DET1: variants seen among roughly 807,000 people sequenced by gnomAD.
DET1 encodes DET1 partner of COP1 E3 ubiquitin ligase, also known as DET1 homolog.
DET1 carries 22 observed loss-of-function variants against 43.7 expected under a neutral mutation model. That is an observed-to-expected ratio of 0.50 (90% CI 0.36 to 0.72). The LOEUF (loss-of-function observed/expected upper bound fraction) is 0.72. Ranked by LOEUF, DET1 falls within the 30% of genes least tolerant of loss-of-function variation. The pLI is 0.00. For synonymous variants in DET1, 315 were observed against 266.2 expected (o/e 1.18, Z -1.79); for missense variants, 713 against 713.3 (o/e 1.00, Z 0.00).
chr15:88,534,339 G>A (rs569768161), intron 1 of DET1, among the ~76,000 whole-genome samples: 3 of 152,104 alleles, frequency 2.0e-5, no homozygotes, highest in Non-Finnish European at 4.4e-5. Context: ...ATAAAACCTA[G>A]ACAGAATGCA....
chr15:88,508,224 T>C (rs1277447627), downstream of DET1, among the ~76,000 whole-genome samples: 1 of 152,206 alleles, frequency 6.6e-6, no homozygotes, highest in South Asian at 2.1e-4. Flanking sequence ...AATAGAAATA[T>C]GGTGCAGAAT....
chr15:88,522,844 C>A (rs1349049916), intron 3 of DET1, among the ~76,000 whole-genome samples: 1 of 151,002 alleles, frequency 6.6e-6, no homozygotes, highest in Non-Finnish European at 1.5e-5. Flanking sequence ...TTTATACTTT[C>A]AATTGATTCA....
In DET1 at chr15:88,531,261, C is replaced by T. The variant is rs2056806362; in HGVS notation, c.445G>A (p.Asp149Asn). ...CCCACGATGACACAGCGGCAGTCAT[C>T]AGTGAAGAGACTACACTCCCGGTTC... ...HLNRECSLFT[D>N]DCRCVIVGSA... The change falls in exon 2 of 5, where the codon GAT becomes AAT. Residue 149 changes from aspartate to asparagine, a missense_variant. Physicochemically the swap from Asp to Asn is conservative, Grantham distance 23 (BLOSUM62 1). Coordinates refer to ENST00000268148, the MANE Select transcript of DET1 (RefSeq NM_001144074.3). This position sits in a 1 kb window ranked among gnomAD's most constrained non-coding sequence, Gnocchi z 6.2. 6.2e-7 allele frequency: 1 copy of T among 1,613,730 alleles called. No individual in the cohort carries two copies. Among genetic ancestry groups the T allele is most frequent in the African/African-American group, 1.3e-5 (1 of 74,882 alleles).
rs115228931 is a variant in DET1 at position 88,516,014 on chromosome 15, A to G, written c.1463+768T>C. 2.7e-3 allele frequency among the ~76,000 whole-genome samples: 408 copies of G among 152,346 alleles called. 3 individuals are homozygous for G. The highest frequency in any genetic ancestry group is 9.4e-3 in the African/African-American group (392 of 41,584). On this transcript the variant is annotated intron_variant, in intron 4 of 4. Coordinates refer to ENST00000268148, the MANE Select transcript of DET1 (RefSeq NM_001144074.3). This position sits in a 1 kb window ranked among gnomAD's most constrained non-coding sequence, Gnocchi z 4.4. ...TAAATGGTGATTAATTATACAGACT[A>G]TGTCACACAGGCACATTTAATACAC...
At chr15:88,502,982 G>C (rs2056103431) in intron 8 of DET1, 1 of 152,264 alleles carries the variant, frequency 6.6e-6, no homozygotes, top group Non-Finnish European at 1.5e-5. Context: ...TGTTAAGAAG[G>C]AGAAAGAGGC....
chr15:88,543,318 A>G (rs1432980378), intron 1 of DET1, among the ~76,000 whole-genome samples: 1 of 152,238 alleles, frequency 6.6e-6, no homozygotes, highest in African/African-American at 2.4e-5. Context: ...ATTCTGGGCC[A>G]GGATTTAACC....
intron 1 of DET1, among the ~76,000 whole-genome samples, chr15:88,537,033 AAT>A (rs1424551784): frequency 3.3e-5 from 5 of 152,122 alleles, no homozygotes; most frequent in African/African-American, 1.2e-4. Context: ...AAAGGTTCCA[AAT>A]GCCTTATATA....
At chr15:88,533,167 G>A (rs541575859) in intron 1 of DET1, among the ~76,000 whole-genome samples, 2 of 152,220 alleles carry the variant, frequency 1.3e-5, no homozygotes, top group East Asian at 3.9e-4. Context: ...TGGCCACAAA[G>A]CATATGAAAA....
Position 88,537,255 on chromosome 15 carries a change from T to C in DET1, c.-10-5540A>G, listed in dbSNP as rs1360069865. 2.6e-5 allele frequency among the ~76,000 whole-genome samples: 4 copies of C among 152,206 alleles called. No individual in the cohort carries two copies. The East Asian group carries it at 5.8e-4, about 22-fold the overall frequency. On this transcript the variant is annotated intron_variant, in intron 1 of 4. Transcript: ENST00000268148. ...TTGTAAAACGTTTATTTCAATTATA[T>C]TGGAGTTACATGCACTGAGTAAAGA...
rs536516964 is a variant in DET1, at chr15:88,530,155, C to A, written c.1083+468G>T. 2.6e-5 allele frequency among the ~76,000 whole-genome samples: 4 copies of A among 152,278 alleles called. No homozygotes were observed. The South Asian group carries it at 8.3e-4, about 32-fold the overall frequency. ...ACCTTATAAATAGGACTTTATAGTACTTTACAGAGAAGTAAATTGACATTA... is the reference window on the plus strand; with the variant it reads ...ACCTTATAAATAGGACTTTATAGTAATTTACAGAGAAGTAAATTGACATTA... On this transcript the variant is annotated intron_variant, in intron 2 of 4. Coordinates refer to ENST00000268148, the MANE Select transcript of DET1 (RefSeq NM_001144074.3).
At chr15:88,535,137 G>T (rs554631656) in intron 1 of DET1, among the ~76,000 whole-genome samples, 2 of 152,306 alleles carry the variant, frequency 1.3e-5, no homozygotes, top group Non-Finnish European at 2.9e-5. Context: ...GAAGTTTAGA[G>T]CTGAAAAAGC....
At chr15:88,524,371 G>A (rs1054720228) in intron 3 of DET1, among the ~76,000 whole-genome samples, 5 of 151,268 alleles carry the variant, frequency 3.3e-5, no homozygotes, top group Admixed American at 1.3e-4. Flanking sequence ...CCACCGCCCC[G>A]TCCGGGAGGT....
chr15:88,520,312 C>G (rs1477785646), intron 3 of DET1, among the ~76,000 whole-genome samples: 1 of 152,140 alleles, frequency 6.6e-6, no homozygotes, highest in Non-Finnish European at 1.5e-5. Flanking sequence ...TCCATACTGT[C>G]CAACTTTTCT....
chr15:88,529,448 A>G (rs1218040971), intron 2 of DET1, among the ~76,000 whole-genome samples: 2 of 152,354 alleles, frequency 1.3e-5, no homozygotes, highest in South Asian at 2.1e-4. Flanking sequence ...TGATTGCTCA[A>G]TGGGTGACTT....
chr15:88,520,463 G>A (rs186929743), intron 3 of DET1, among the ~76,000 whole-genome samples: 2 of 152,204 alleles, frequency 1.3e-5, no homozygotes, highest in South Asian at 2.1e-4. Context: ...TACTTGACTC[G>A]TCAGGTGGCT....
intron 1 of DET1, among the ~76,000 whole-genome samples, chr15:88,538,456 A>C (rs1401895445): frequency 6.6e-6 from 1 of 150,972 alleles, no homozygotes; most frequent in Non-Finnish European, 1.5e-5. Context: ...TGACTACCTA[A>C]CTTCTGTAAA....
chr15:88,539,592 T>A (rs957291190), intron 1 of DET1, among the ~76,000 whole-genome samples: 1 of 152,116 alleles, frequency 6.6e-6, no homozygotes, highest in African/African-American at 2.4e-5. Flanking sequence ...TGTCAGGACG[T>A]CGGTATTGCC....
chr15:88,541,838 T>C (rs761187896), intron 1 of DET1, among the ~76,000 whole-genome samples: 5 of 152,144 alleles, frequency 3.3e-5, no homozygotes, highest in Admixed American at 1.3e-4. Flanking sequence ...CGGCTCCCCC[T>C]GTTTTGCCTC....
At chr15:88,507,852 G>A (rs754980879), downstream of DET1, among the ~76,000 whole-genome samples, 1 of 152,220 alleles carries the variant, frequency 6.6e-6, no homozygotes, top group Non-Finnish European at 1.5e-5. Flanking sequence ...CTGGGCCATG[G>A]ACCAATACCT....
Sources: gnomAD v4.1 joint callset for allele counts (sites outside exome capture counted in the v4.1 genomes callset) on GRCh38, gnomAD v4.1.1 for gene constraint, Gnocchi (gnomAD v3.1) non-coding constraint, MANE v1.5 for transcripts, NCBI Gene and HGNC (gene_info 2026-07-23, HGNC 2026-07-21) for gene names.